APOL5: variants seen among roughly 807,000 people sequenced by gnomAD.
The protein encoded by APOL5 is apolipoprotein L5, also known as apolipoprotein L, 5.
In APOL5, 29 loss-of-function variants were observed where a neutral mutation model predicts 35.5. That is an observed-to-expected ratio of 0.82 (90% confidence interval 0.61 to 1.11). The LOEUF is 1.11. APOL5 is among the 50% of genes most tolerant of loss of function. APOL5 has a pLI of 0.00. For synonymous variants in APOL5, 188 were observed against 200.2 expected (o/e 0.94, Z 0.51); for missense variants, 514 against 530.4 (o/e 0.97, Z 0.30).
chr22:35,720,131 G>A (rs1224357601), intron 1 of APOL5, among the ~76,000 whole-genome samples: 3 of 152,226 alleles, frequency 2.0e-5, no homozygotes, highest in African/African-American at 7.2e-5. Flanking sequence ...AGTGGTCTTA[G>A]AAAATGCAGC....
chr22:35,728,497 A>G (rs528808849), intron 3 of APOL5, among the ~76,000 whole-genome samples: 30 of 152,334 alleles, frequency 2.0e-4, no homozygotes, highest in African/African-American at 6.7e-4. Context: ...GGCTGGGATT[A>G]CAGGCGTGAG....
the APOL5 span, among the ~76,000 whole-genome samples, chr22:35,711,515 T>C: frequency 1.3e-5 from 2 of 152,290 alleles, no homozygotes; most frequent in Admixed American, 1.3e-4. Flanking sequence ...ACCAGCTATC[T>C]TACACAGCAG....
chr22:35,719,060 TAATAATAATAATA>T (rs1010970883), intron 1 of APOL5, among the ~76,000 whole-genome samples: 7 of 18,418 alleles, frequency 3.8e-4, no homozygotes, highest in Admixed American at 1.6e-3. Flanking sequence ...GTCTCAAAAA[TAATAATAATAATA>T]AATAATAATA....
rs151292666 is a variant in APOL5 at position 35,721,437 on chromosome 22, G to A, written c.142+783G>A. Among the ~76,000 whole-genome samples the A allele has an allele frequency of 6.3e-4, 96 of 152,160 alleles. No individual in the cohort carries two copies. The East Asian group carries it at 0.015, about 24-fold the overall frequency. On this transcript the variant is annotated intron_variant, in intron 2 of 4. Transcript: ENST00000249044. Reference sequence around the variant, plus strand: ...GCATGCCTGTAATCCCAGCTACATGGGAGGCTGAGGCAGGAGAATTGCTTG... The same window carrying A: ...GCATGCCTGTAATCCCAGCTACATGAGAGGCTGAGGCAGGAGAATTGCTTG...
At chr22:35,720,878 T>G (rs1047101647) in intron 2 of APOL5, among the ~76,000 whole-genome samples, 2 of 152,144 alleles carry the variant, frequency 1.3e-5, no homozygotes, top group African/African-American at 4.8e-5. Flanking sequence ...CACGAGTAGC[T>G]GGGATTACAG....
At chr22:35,716,253 C>G (rs1203456681), upstream of APOL5, among the ~76,000 whole-genome samples, 1 of 152,136 alleles carries the variant, frequency 6.6e-6, no homozygotes, top group East Asian at 1.9e-4. Flanking sequence ...AATCTCATTA[C>G]TAAAATCTTT....
At chr22:35,727,239 A>G in intron 3 of APOL5, 45 bp downstream of exon 3, 1 of 1,555,878 alleles carries the variant, frequency 6.4e-7, no homozygotes, top group Non-Finnish European at 8.6e-7. Flanking sequence ...GCTCTTCTAA[A>G]AGCTTACCAT....
chr22:35,719,974 C>T (rs1466014878), intron 1 of APOL5, among the ~76,000 whole-genome samples: 2 of 152,198 alleles, frequency 1.3e-5, no homozygotes, highest in East Asian at 3.8e-4. Context: ...CAGCGGTTCT[C>T]CTCCAACTGC....
At chr22:35,717,196 G>A (rs1229853724), upstream of APOL5, among the ~76,000 whole-genome samples, 1 of 111,796 alleles carries the variant, frequency 8.9e-6, no homozygotes, top group Non-Finnish European at 1.9e-5. Context: ...GATTAGCCTG[G>A]GCAACATGGT....
At chr22:35,718,913 T>C (rs1317341638) in intron 1 of APOL5, among the ~76,000 whole-genome samples, 1 of 151,710 alleles carries the variant, frequency 6.6e-6, no homozygotes, top group African/African-American at 2.4e-5. Flanking sequence ...AGAAAACTTA[T>C]CCAGGCATGG....
intron 1 of APOL5, among the ~76,000 whole-genome samples, chr22:35,718,594 A>C (rs1402112649): frequency 5.6e-5 from 1 of 17,916 alleles, no homozygotes; most frequent in Non-Finnish European, 1.2e-4. Flanking sequence ...ACCCCGTCTC[A>C]AAAAAAAAAA....
chr22:35,717,757 AGAAAAGAAAAG>A, upstream of APOL5: 4 of 366,168 alleles, frequency 1.1e-5, no homozygotes, highest in Non-Finnish European at 1.7e-5. Context: ...AAAAAAAGAA[AGAAAAGAAAAG>A]AAAAAAAAAT....
intron 1 of APOL5, among the ~76,000 whole-genome samples, chr22:35,719,945 C>G (rs780466252): frequency 6.6e-5 from 10 of 152,182 alleles, no homozygotes; most frequent in Non-Finnish European, 1.0e-4. Flanking sequence ...AGGTGGTCTT[C>G]CCCTGGATTT....
At chr22:35,720,773 C>T (rs928451090) in intron 2 of APOL5, 119 bp downstream of exon 2, 8 of 723,302 alleles carry the variant, frequency 1.1e-5, no homozygotes, top group African/African-American at 3.6e-5. Flanking sequence ...GAGACAGAGT[C>T]TCTTCTCTGT....
the APOL5 span, among the ~76,000 whole-genome samples, chr22:35,711,599 T>TTTCCCTCCTTCCTTCCTTCC: frequency 2.2e-4 from 17 of 77,562 alleles, no homozygotes; most frequent in African/African-American, 9.6e-4. Flanking sequence ...TCACCATGTT[T>TTTCCCTCCTTCCTTCCTTCC]TTCCTTCCTT....
intron 4 of APOL5, 94 bp downstream of exon 4, chr22:35,728,998 G>T: frequency 7.5e-7 from 1 of 1,325,478 alleles, no homozygotes; most frequent in Non-Finnish European, 9.9e-7. Context: ...AAGAGAGGGA[G>T]GGCCTAACGG....
chr22:35,713,068 A>G (rs1252256772), upstream of APOL5, among the ~76,000 whole-genome samples: 1 of 152,176 alleles, frequency 6.6e-6, no homozygotes. Flanking sequence ...CTTTGGGAAC[A>G]CCCATTGCCT....
chr22:35,724,701 C>T (rs549216593), intron 2 of APOL5, among the ~76,000 whole-genome samples: 2 of 152,186 alleles, frequency 1.3e-5, no homozygotes, highest in Admixed American at 1.3e-4. Flanking sequence ...CTCCCCGCCT[C>T]CTAGGTTCAA....
rs779984317 is a variant in APOL5 at position 35,720,657 on chromosome 22, G to A, written c.142+3G>A. The A allele has an allele frequency of 6.2e-6, 10 of 1,602,746 alleles. No homozygotes were observed. The highest frequency in any genetic ancestry group is 3.3e-4 in the Middle Eastern group (2 of 6,074). ...GAAGTCCCCAGAACCTGAGTTCCGT[G>A]AGGGCAGAGAACAGGCTGTTATGCT... On this transcript the variant is annotated splice_donor_region_variant and intron_variant, in intron 2 of 4. Transcript: ENST00000249044.
Sources: gnomAD v4.1 joint callset for allele counts (sites outside exome capture counted in the v4.1 genomes callset) on GRCh38, gnomAD v4.1.1 for gene constraint, MANE v1.5 for transcripts, NCBI Gene and HGNC (gene_info 2026-07-23, HGNC 2026-07-21) for gene names.